DPYD: variants seen among roughly 807,000 people sequenced by gnomAD.
The protein encoded by DPYD is dihydropyrimidine dehydrogenase.
In DPYD, 109 loss-of-function variants were observed where a neutral mutation model predicts 116.2. The observed-to-expected ratio is 0.94, with a 90% CI of 0.80 to 1.10. DPYD has a LOEUF of 1.10. Among genes scored for constraint, DPYD ranks in the 50% least tolerant of loss-of-function variants. The probability of loss-of-function intolerance (pLI) is 0.00; values close to 1 mark genes in which losing one functional copy is unlikely to be tolerated. For missense variants in DPYD, 1,302 were observed against 1,254.5 expected, an observed-to-expected ratio of 1.04 and a Z score of -0.57; for synonymous variants, 440 against 432.0, an observed-to-expected ratio of 1.02 and a Z score of -0.23.
At chr1:97,406,896 A>G (rs2101653449) in intron 14 of DPYD, among the ~76,000 whole-genome samples, 1 of 152,158 alleles carries the variant, frequency 6.6e-6, no homozygotes, top group East Asian at 1.9e-4. Context: ...ACAAACAAAA[A>G]GGTGTGTTTT....
chr1:97,658,810 G>A (rs970678602), intron 8 of DPYD, among the ~76,000 whole-genome samples: 2 of 152,112 alleles, frequency 1.3e-5, no homozygotes, highest in Non-Finnish European at 2.9e-5. Context: ...CTCTATGACT[G>A]TATGACTTGC....
intron 8 of DPYD, among the ~76,000 whole-genome samples, chr1:97,670,932 T>G (rs1401997045): frequency 2.0e-5 from 3 of 152,160 alleles, no homozygotes; most frequent in African/African-American, 7.2e-5. Context: ...AAAATATGTC[T>G]TTATTCCATG....
intron 18 of DPYD, among the ~76,000 whole-genome samples, chr1:97,238,870 A>C (rs2100763925): frequency 6.6e-6 from 1 of 152,330 alleles, no homozygotes; most frequent in Middle Eastern, 3.4e-3. Context: ...TGGGGTGGCC[A>C]GATGAACCTA....
At chr1:97,242,813 T>A (rs1401666774) in intron 18 of DPYD, among the ~76,000 whole-genome samples, 1 of 151,758 alleles carries the variant, frequency 6.6e-6, no homozygotes, top group African/African-American at 2.4e-5. Context: ...AGATAAAAGA[T>A]CTACAAACAC....
intron 18 of DPYD, among the ~76,000 whole-genome samples, chr1:97,241,202 G>C (rs1468398815): frequency 1.3e-5 from 2 of 151,870 alleles, no homozygotes; most frequent in African/African-American, 4.8e-5. Flanking sequence ...TCAGTACCTA[G>C]CATGTGTCAG....
At chr1:97,152,212 C>T (rs1053637854) in intron 20 of DPYD, among the ~76,000 whole-genome samples, 9 of 152,096 alleles carry the variant, frequency 5.9e-5, no homozygotes, top group Non-Finnish European at 1.0e-4. Flanking sequence ...ATACACTAGG[C>T]AATTATAGCC....
At chr1:97,143,172 T>C (rs1654356833) in intron 20 of DPYD, among the ~76,000 whole-genome samples, 1 of 152,060 alleles carries the variant, frequency 6.6e-6, no homozygotes, top group African/African-American at 2.4e-5. Flanking sequence ...GGCCATAATA[T>C]ACTATTTTTA....
Position 97,574,426 on chromosome 1 carries a change from G to T in DPYD, c.1129-456C>A, listed in dbSNP as rs561219948. ...GGTGAGCCAATCTGTGCAAGTACAT[G>T]ATTAGAATGGTAGGTAGGAGAAAAA... On this transcript the variant is annotated intron_variant, in intron 10 of 22. Coordinates refer to ENST00000370192, the MANE Select transcript of DPYD (RefSeq NM_000110.4). Among the ~76,000 whole-genome samples the T allele has an allele frequency of 3.9e-5, 6 of 152,200 alleles. 1 individual carries two copies. In the South Asian group the frequency reaches 1.2e-3, roughly 32 times the overall value.
chr1:97,688,305 C>A (rs1247380908), intron 7 of DPYD, among the ~76,000 whole-genome samples: 1 of 151,852 alleles, frequency 6.6e-6, no homozygotes, highest in Non-Finnish European at 1.5e-5. Flanking sequence ...TTTAGAGATG[C>A]AAGAGCAAAT....
At chr1:97,185,099 T>C (rs1231907626) in intron 20 of DPYD, among the ~76,000 whole-genome samples, 1 of 152,162 alleles carries the variant, frequency 6.6e-6, no homozygotes, top group Non-Finnish European at 1.5e-5. Context: ...CAAATGCTTT[T>C]GCTGATCTAA....
At chr1:97,683,604 A>G (rs1466533508) in intron 7 of DPYD, among the ~76,000 whole-genome samples, 1 of 152,034 alleles carries the variant, frequency 6.6e-6, no homozygotes, top group African/African-American at 2.4e-5. Flanking sequence ...CATGAAACAA[A>G]AATATGTATT....
rs1487987950 is a variant in DPYD at position 97,134,012 on chromosome 1, AAAATATATATATATATATATATATATAT to A, written c.2623-35408_2623-35381del. ...AGACTCTGTTTCAAAAAAAAAAAAA[AAAATATATATATATATATATATATATAT>A]ATATATATATATATATATATATATA... is the stretch of plus-strand genomic sequence containing the variant. On this transcript the variant is annotated intron_variant, in intron 20 of 22. Coordinates refer to ENST00000370192, the MANE Select transcript of DPYD (RefSeq NM_000110.4). Among the ~76,000 whole-genome samples the A allele has an allele frequency of 8.5e-3, 413 of 48,844 alleles. 32 individuals are homozygous for A. The highest frequency in any genetic ancestry group is 0.013 in the Non-Finnish European group (350 of 26,078). 32.0% of individuals were successfully genotyped at this position (48,844 alleles called of 152,430 possible).
chr1:97,142,364 A>G (rs1654291190), intron 20 of DPYD, among the ~76,000 whole-genome samples: 1 of 152,200 alleles, frequency 6.6e-6, no homozygotes, highest in Non-Finnish European at 1.5e-5. Context: ...ATGTAACATT[A>G]GAAAAGAAAA....
chr1:97,671,440 A>G (rs555315655), intron 8 of DPYD, among the ~76,000 whole-genome samples: 1 of 152,310 alleles, frequency 6.6e-6, no homozygotes, highest in East Asian at 1.9e-4. Flanking sequence ...TCAAAGTAGG[A>G]ATGACTTAAG....
At chr1:97,477,601 CTTCTTT>C (rs1678042749) in intron 13 of DPYD, among the ~76,000 whole-genome samples, 1 of 124,474 alleles carries the variant, frequency 8.0e-6, no homozygotes, top group African/African-American at 3.0e-5. Flanking sequence ...CATGACTGTT[CTTCTTT>C]TTTTTTTTTT....
chr1:97,148,908 CT>C (rs1417574508), intron 20 of DPYD, among the ~76,000 whole-genome samples: 1 of 152,122 alleles, frequency 6.6e-6, no homozygotes, highest in African/African-American at 2.4e-5. Flanking sequence ...GTTATAAGCT[CT>C]TAATAGAAAA....
intron 14 of DPYD, among the ~76,000 whole-genome samples, chr1:97,403,726 A>T (rs1175251873): frequency 1.3e-5 from 2 of 151,806 alleles, no homozygotes; most frequent in African/African-American, 4.8e-5. Context: ...GAGGCTTATC[A>T]ATTTTGTTGA....
intron 3 of DPYD, among the ~76,000 whole-genome samples, chr1:97,810,139 T>C (rs10875106): frequency 0.74 from 112,323 of 151,024 alleles, 42,275 homozygotes; most frequent in East Asian, 0.98. Flanking sequence ...ACAAAAAAAT[T>C]AGCCGGGTGT....
intron 2 of DPYD, among the ~76,000 whole-genome samples, chr1:97,853,098 T>C (rs1670648182): frequency 6.6e-6 from 1 of 152,170 alleles, no homozygotes; most frequent in Non-Finnish European, 1.5e-5. Flanking sequence ...TCTCTTGTTT[T>C]ACTGTAGCAT....
Sources: allele counts gnomAD v4.1 joint callset (sites outside exome capture counted in the v4.1 genomes callset), GRCh38; gene constraint gnomAD v4.1.1; transcripts MANE v1.5; gene names NCBI Gene and HGNC (gene_info 2026-07-23, HGNC 2026-07-21).